Variants in CCNY observed in about 807,000 individuals in gnomAD.
CCNY encodes cyclin-Y.
Under a neutral mutation model 42.8 loss-of-function variants are expected in CCNY, and 19 were observed. The ratio of observed to expected loss-of-function variants is 0.44; its 90% CI spans 0.31 to 0.65. The LOEUF (loss-of-function observed/expected upper bound fraction) is 0.65, where lower values mean the gene tolerates loss of function less well. Among genes scored for constraint, CCNY ranks in the 30% least tolerant of loss-of-function variants. The probability of loss-of-function intolerance (pLI) is 0.07; values close to 1 mark genes in which losing one functional copy is unlikely to be tolerated. For synonymous variants in CCNY, 165 were observed against 162.7 expected (o/e 1.01, Z -0.11); for missense variants, 370 against 437.3 (o/e 0.85, Z 1.37).
At chr10:35,488,742 T>C (rs1839837373) in intron 2 of CCNY, among the ~76,000 whole-genome samples, 1 of 152,232 alleles carries the variant, frequency 6.6e-6, no homozygotes, top group Admixed American at 6.5e-5. Context: ...GTTGATATTT[T>C]AAAATAAACT....
At chr10:35,381,094 G>A (rs1441363178) in intron 1 of CCNY, among the ~76,000 whole-genome samples, 1 of 152,208 alleles carries the variant, frequency 6.6e-6, no homozygotes, top group Non-Finnish European at 1.5e-5. Flanking sequence ...AAAGCATCCA[G>A]AAGTCTGCCT....
intron 8 of CCNY, among the ~76,000 whole-genome samples, chr10:35,556,754 G>T (rs1044748497): frequency 3.3e-5 from 5 of 152,122 alleles, no homozygotes; most frequent in African/African-American, 9.7e-5. Context: ...CTTTCTGGAG[G>T]TGCCAGCCAG....
chr10:35,444,809 A>C (rs1223664881), intron 1 of CCNY, among the ~76,000 whole-genome samples: 1 of 152,218 alleles, frequency 6.6e-6, no homozygotes, highest in Non-Finnish European at 1.5e-5. Context: ...AGCAACGTGG[A>C]GAATGGATGT....
intron 5 of CCNY, among the ~76,000 whole-genome samples, chr10:35,526,443 G>A (rs1431830547): frequency 6.6e-6 from 1 of 152,204 alleles, no homozygotes; most frequent in Non-Finnish European, 1.5e-5. Flanking sequence ...TGATGTAAGT[G>A]TATCTGGCAA....
chr10:35,464,317 C>T (rs1372928267), intron 1 of CCNY, among the ~76,000 whole-genome samples: 4 of 152,198 alleles, frequency 2.6e-5, no homozygotes, highest in African/African-American at 9.7e-5. Flanking sequence ...TCAAATCCAT[C>T]TACTTTTTCC....
intron 3 of CCNY, among the ~76,000 whole-genome samples, chr10:35,290,222 T>TCACACA (rs368209050): frequency 0.16 from 19,460 of 122,726 alleles, 1,786 homozygotes; most frequent in East Asian, 0.39. Flanking sequence ...CAAGACTCCA[T>TCACACA]CACACACACA....
chr10:35,300,293 CTGCCACGCCCTGCCTGAGA>C lies in CCNY; in HGVS notation c.-9+49686_-9+49704del, dbSNP rs1176254915. ...GCTCTGTCTCATCAAAGCAGCAAGG[CTGCCACGCCCTGCCTGAGA>C]TGCCACGCCCTGCCTGAGTTCCCCT... is the stretch of plus-strand genomic sequence containing the variant. On this transcript the variant is annotated intron_variant, in intron 3 of 11. Transcript: ENST00000374706. Among the ~76,000 whole-genome samples, 7 of 152,296 alleles carry C rather than the reference CTGCCACGCCCTGCCTGAGA, an allele frequency of 4.6e-5. No individual in the cohort carries two copies. The South Asian group carries it at 1.0e-3, about 23-fold the overall frequency.
chr10:35,253,055 G>A (rs1399678096), intron 3 of CCNY, among the ~76,000 whole-genome samples: 4 of 152,072 alleles, frequency 2.6e-5, no homozygotes, highest in African/African-American at 7.2e-5. Context: ...AAAAATTCAC[G>A]GGACTGAACA....
chr10:35,357,168 C>A (rs1836573292), intron 1 of CCNY, among the ~76,000 whole-genome samples: 1 of 151,532 alleles, frequency 6.6e-6, no homozygotes. Flanking sequence ...AGAGCAGCCC[C>A]TGCTCCTGCC....
intron 3 of CCNY, among the ~76,000 whole-genome samples, chr10:35,506,698 T>G (rs1434903948): frequency 2.0e-5 from 3 of 152,144 alleles, no homozygotes; most frequent in African/African-American, 7.2e-5. Context: ...TGGAAGGTCA[T>G]TTTGAAAGCT....
intron 1 of CCNY, among the ~76,000 whole-genome samples, chr10:35,405,739 G>C (rs768830107): frequency 6.6e-6 from 1 of 152,180 alleles, no homozygotes; most frequent in African/African-American, 2.4e-5. Context: ...CCTCCATCAT[G>C]GTCCAGGGGG....
chr10:35,361,354 A>C (rs1191370750), intron 1 of CCNY, among the ~76,000 whole-genome samples: 7 of 152,222 alleles, frequency 4.6e-5, no homozygotes, highest in African/African-American at 7.2e-5. Flanking sequence ...ATTATTAATT[A>C]CCACAGGTAA....
At chr10:35,369,036 C>T (rs1305000329) in intron 1 of CCNY, among the ~76,000 whole-genome samples, 1 of 152,232 alleles carries the variant, frequency 6.6e-6, no homozygotes, top group East Asian at 1.9e-4. Flanking sequence ...CTCTGAGGAA[C>T]TTCCTGGTGA....
chr10:35,449,670 A>C, intron 1 of CCNY: 4 of 700,744 alleles, frequency 5.7e-6, no homozygotes, highest in Non-Finnish European at 7.0e-6. Flanking sequence ...ATTGCCGAGT[A>C]GGGGGGCCGG....
chr10:35,325,401 C>T (rs924442464), intron 3 of CCNY, among the ~76,000 whole-genome samples: 19 of 151,924 alleles, frequency 1.3e-4, no homozygotes, highest in African/African-American at 4.4e-4. Context: ...TGGTCTCGAA[C>T]TCCTGACCTC....
chr10:35,561,460 C>CT (rs1394361298), intron 8 of CCNY, among the ~76,000 whole-genome samples: 1 of 152,166 alleles, frequency 6.6e-6, no homozygotes, highest in African/African-American at 2.4e-5. Flanking sequence ...TTGTTTTAAA[C>CT]TTTTTGCCAT....
At chr10:35,491,971 C>G (rs1204578699) in intron 2 of CCNY, among the ~76,000 whole-genome samples, 1 of 152,134 alleles carries the variant, frequency 6.6e-6, no homozygotes, top group Non-Finnish European at 1.5e-5. Context: ...ATGGGCACCC[C>G]CAGAGTCCTG....
At chr10:35,338,087 T>C (rs1325141362) in intron 1 of CCNY, among the ~76,000 whole-genome samples, 3 of 152,248 alleles carry the variant, frequency 2.0e-5, no homozygotes, top group African/African-American at 7.2e-5. Context: ...AGATTTGAAA[T>C]TGGAAGTATC....
chr10:35,279,072 C>G lies in CCNY; in HGVS notation c.-9+28446C>G, dbSNP rs1183072633. On this transcript the variant is annotated intron_variant, in intron 3 of 11. Transcript: ENST00000374706. ...AGTAGTGTTAGAGTCGTGATTAAAACAACAAGCCAAAATGAAAGCACCAGT... is the reference window on the plus strand; with the variant it reads ...AGTAGTGTTAGAGTCGTGATTAAAAGAACAAGCCAAAATGAAAGCACCAGT... 3.4e-5 allele frequency among the ~76,000 whole-genome samples: 5 copies of G among 148,624 alleles called. No homozygotes were observed. The South Asian group carries it at 8.6e-4, about 26-fold the overall frequency.
Sources: allele counts gnomAD v4.1 joint callset (sites outside exome capture counted in the v4.1 genomes callset), GRCh38; gene constraint gnomAD v4.1.1; transcripts MANE v1.5; gene names NCBI Gene and HGNC (gene_info 2026-07-23, HGNC 2026-07-21).